The following EYS variants were observed in gnomAD, a reference collection of about 807,000 sequenced individuals.
EYS encodes protein eyes shut homolog.
Under a neutral mutation model 282.1 loss-of-function variants are expected in EYS, and 250 were observed. The observed-to-expected ratio is 0.89, with a 90% confidence interval of 0.80 to 0.98. The LOEUF is 0.98. Among genes scored for constraint, EYS ranks in the 50% least tolerant of loss-of-function variants. The probability of loss-of-function intolerance (pLI) is 0.00; values close to 1 mark genes in which losing one functional copy is unlikely to be tolerated. For synonymous variants in EYS, 1,355 were observed against 1,282.9 expected (o/e 1.06, Z -1.20); for missense variants, 4,016 against 3,709.0 (o/e 1.08, Z -2.15).
At chr6:64,120,531 A>G (rs1253276058) in intron 31 of EYS, among the ~76,000 whole-genome samples, 1 of 152,046 alleles carries the variant, frequency 6.6e-6, no homozygotes, top group Non-Finnish European at 1.5e-5. Context: ...GAAAAAGGTA[A>G]CAGATCAAAA....
At chr6:65,020,235 C>T (rs780705856) in intron 13 of EYS, among the ~76,000 whole-genome samples, 39 of 152,148 alleles carry the variant, frequency 2.6e-4, no homozygotes, top group Non-Finnish European at 5.1e-4. Flanking sequence ...TCCAAAGTCT[C>T]ATCTGAGACA....
At chr6:64,718,312 C>T (rs1478585936) in intron 22 of EYS, among the ~76,000 whole-genome samples, 1 of 152,136 alleles carries the variant, frequency 6.6e-6, no homozygotes, top group Admixed American at 6.6e-5. Flanking sequence ...CCCATCCACC[C>T]CTGTAGTTAC....
intron 2 of EYS, among the ~76,000 whole-genome samples, chr6:65,516,101 A>G (rs1214095081): frequency 1.3e-5 from 2 of 152,034 alleles, no homozygotes; most frequent in East Asian, 1.9e-4. Flanking sequence ...GGAAGGAAAG[A>G]AATAAGAAAG....
chr6:63,888,683 A>C (rs1279988140), intron 35 of EYS, among the ~76,000 whole-genome samples: 6 of 152,228 alleles, frequency 3.9e-5, no homozygotes, highest in Non-Finnish European at 5.9e-5. Context: ...AAGATGTGGT[A>C]AACCAGCGTA....
chr6:64,521,466 C>T (rs952903341), intron 26 of EYS, among the ~76,000 whole-genome samples: 7 of 151,616 alleles, frequency 4.6e-5, no homozygotes, highest in African/African-American at 1.7e-4. Flanking sequence ...TAAGAAGCAC[C>T]ATCTTGCTAT....
At chr6:64,893,920 G>GA (rs1268286560) in intron 18 of EYS, among the ~76,000 whole-genome samples, 3 of 151,864 alleles carry the variant, frequency 2.0e-5, no homozygotes, top group Non-Finnish European at 1.5e-5. Flanking sequence ...ATATATGTAT[G>GA]AAACTCCTAT....
chr6:63,986,601 A>C (rs1198480856), intron 34 of EYS, among the ~76,000 whole-genome samples: 1 of 151,892 alleles, frequency 6.6e-6, no homozygotes, highest in Admixed American at 6.6e-5. Context: ...CAGCCATAAA[A>C]AAGAATGAGA....
chr6:64,095,851 G>T (rs1309090719), intron 31 of EYS, among the ~76,000 whole-genome samples: 2 of 152,098 alleles, frequency 1.3e-5, no homozygotes, highest in Non-Finnish European at 2.9e-5. Flanking sequence ...TCCTAGCCTC[G>T]ATGGTCTTTA....
intron 26 of EYS, among the ~76,000 whole-genome samples, chr6:64,453,963 A>T (rs1775464254): frequency 6.6e-6 from 1 of 152,144 alleles, no homozygotes; most frequent in Non-Finnish European, 1.5e-5. Flanking sequence ...CATATGTAAC[A>T]AACCCGCACG....
chr6:64,411,927 A>ATATATGTTTATATATGCATGCATATG (rs1773908492), intron 28 of EYS, among the ~76,000 whole-genome samples: 1 of 151,544 alleles, frequency 6.6e-6, no homozygotes, highest in Non-Finnish European at 1.5e-5. Context: ...GCATGCATGT[A>ATATATGTTTATATATGCATGCATATG]TGTATATATG....
At chr6:64,294,758 T>A (rs372545555) in intron 30 of EYS, among the ~76,000 whole-genome samples, 60 of 152,332 alleles carry the variant, frequency 3.9e-4, no homozygotes, top group African/African-American at 1.4e-3. Context: ...TGGCACCACC[T>A]GTACTAGATA....
At chr6:65,269,434 C>T (rs1272080343) in intron 12 of EYS, among the ~76,000 whole-genome samples, 1 of 152,110 alleles carries the variant, frequency 6.6e-6, no homozygotes, top group Non-Finnish European at 1.5e-5. Flanking sequence ...TTTCCTGAAA[C>T]AAGCAGTAAA....
rs56097288 is a variant in EYS at position 64,789,884 on chromosome 6, G to GATATATATAT, written c.3443+23484_3443+23493dup. Among the ~76,000 whole-genome samples, 394 of 148,752 alleles carry GATATATATAT rather than the reference G, an allele frequency of 2.6e-3. 2 individuals carry two copies. Among genetic ancestry groups the GATATATATAT allele is most frequent in the African/African-American group, 9.5e-3 (385 of 40,394 alleles). Reference sequence around the variant, plus strand: ...AAGCGATGGGATTCTAAAGTTGTATGATATATATATATATATATAAATGTC... The same window carrying GATATATATAT: ...AAGCGATGGGATTCTAAAGTTGTATGATATATATATATATATATATATATATATAAATGTC... On this transcript the variant is annotated intron_variant, in intron 22 of 42. Coordinates refer to ENST00000503581, the MANE Select transcript of EYS (RefSeq NM_001142800.2).
chr6:65,614,873 T>A (rs1766128380), intron 2 of EYS, among the ~76,000 whole-genome samples: 1 of 60,928 alleles, frequency 1.6e-5, no homozygotes, highest in African/African-American at 6.4e-5. Context: ...CTTTAAAGAT[T>A]ATCAATAAAG....
intron 1 of EYS, among the ~76,000 whole-genome samples, chr6:65,675,550 A>C (rs1381484702): frequency 6.6e-6 from 1 of 151,922 alleles, no homozygotes; most frequent in African/African-American, 2.4e-5. Flanking sequence ...TAAAAGGGTG[A>C]AGTCACTAGG....
At chr6:65,293,898 T>C (rs1319236507) in intron 12 of EYS, among the ~76,000 whole-genome samples, 1 of 151,870 alleles carries the variant, frequency 6.6e-6, no homozygotes, top group Non-Finnish European at 1.5e-5. Flanking sequence ...GTGATTATAC[T>C]TGATATAAAA....
chr6:65,459,931 T>G (rs1764757660), intron 5 of EYS, among the ~76,000 whole-genome samples: 1 of 142,838 alleles, frequency 7.0e-6, no homozygotes. Flanking sequence ...TTTTCCATAC[T>G]TTTTCTGGTG....
At chr6:65,141,814 C>G (rs114500011) in intron 12 of EYS, among the ~76,000 whole-genome samples, 4 of 152,124 alleles carry the variant, frequency 2.6e-5, no homozygotes, top group African/African-American at 7.2e-5. Context: ...GAAACATTTT[C>G]TTTACCCCAA....
intron 35 of EYS, among the ~76,000 whole-genome samples, chr6:63,866,353 T>C (rs1371834274): frequency 3.3e-5 from 5 of 152,204 alleles, no homozygotes; most frequent in African/African-American, 4.8e-5. Context: ...ATTTGTATTC[T>C]GGGATAAAGT....
Sources: gnomAD v4.1 joint callset for allele counts (sites outside exome capture counted in the v4.1 genomes callset) on GRCh38, gnomAD v4.1.1 for gene constraint, MANE v1.5 for transcripts, NCBI Gene and HGNC (gene_info 2026-07-23, HGNC 2026-07-21) for gene names.